The following SATB2 variants were observed in gnomAD, a reference collection of about 807,000 sequenced individuals.
SATB2 encodes the protein SATB homeobox 2.
SATB2 carries 1 observed loss-of-function variant against 73.4 expected under a neutral mutation model. That is an observed-to-expected ratio of 0.01 (90% CI 0.00 to 0.06). The LOEUF (loss-of-function observed/expected upper bound fraction) is 0.06, where lower values mean the gene tolerates loss of function less well. SATB2 is among the 10% of genes least tolerant of loss of function. SATB2 has a pLI of 1.00. For synonymous variants in SATB2, 397 were observed against 367.0 expected (o/e 1.08, Z -0.93); for missense variants, 459 against 945.8 (o/e 0.49, Z 6.75).
At chr2:199,418,091 T>C (rs190913775) in intron 3 of SATB2, among the ~76,000 whole-genome samples, 27 of 152,332 alleles carry the variant, frequency 1.8e-4, no homozygotes, top group Admixed American at 2.6e-4. Flanking sequence ...CTAACATGAT[T>C]CAGCCCTTAC....
At chr2:199,425,251 T>C (rs1237261226) in intron 3 of SATB2, among the ~76,000 whole-genome samples, 1 of 152,232 alleles carries the variant, frequency 6.6e-6, no homozygotes, top group Non-Finnish European at 1.5e-5. Flanking sequence ...TTAACCTGGA[T>C]CATTTTACGT....
intron 6 of SATB2, among the ~76,000 whole-genome samples, chr2:199,367,637 G>A (rs1267890547): frequency 6.6e-6 from 1 of 152,030 alleles, no homozygotes. Context: ...CCCTCCGATG[G>A]GGGCAGAGTA....
intron 8 of SATB2, among the ~76,000 whole-genome samples, chr2:199,328,035 G>A (rs932243208): frequency 6.6e-6 from 1 of 152,106 alleles, no homozygotes; most frequent in Non-Finnish European, 1.5e-5. Flanking sequence ...TGCTTGCTAT[G>A]CAAACTCAGC....
At chr2:199,318,358 T>A (rs915088411) in intron 9 of SATB2, among the ~76,000 whole-genome samples, 4 of 152,060 alleles carry the variant, frequency 2.6e-5, no homozygotes, top group African/African-American at 9.7e-5. Context: ...AAAACTTTGA[T>A]CTTTGTGCAA....
chr2:199,383,569 C>A (rs1161765006), intron 3 of SATB2, among the ~76,000 whole-genome samples: 1 of 152,072 alleles, frequency 6.6e-6, no homozygotes, highest in Non-Finnish European at 1.5e-5. Context: ...TAAAGTCACA[C>A]AGATAATATA....
intron 7 of SATB2, among the ~76,000 whole-genome samples, chr2:199,342,788 T>C (rs1200945597): frequency 3.3e-5 from 5 of 152,212 alleles, no homozygotes; most frequent in Admixed American, 2.6e-4. Context: ...AAAGTGTGGA[T>C]AGGGCATCAT....
At chr2:199,307,449 A>G (rs1397323747) in intron 10 of SATB2, among the ~76,000 whole-genome samples, 1 of 152,138 alleles carries the variant, frequency 6.6e-6, no homozygotes, top group Non-Finnish European at 1.5e-5. Context: ...TCAGAAAAGC[A>G]CCAAGAAGGG....
chr2:199,381,689 C>T lies in SATB2; in HGVS notation c.473+5G>A. On this transcript the variant is annotated splice_donor_5th_base_variant and intron_variant, in intron 4 of 10. Coordinates refer to ENST00000417098, the MANE Select transcript of SATB2 (RefSeq NM_001172509.2). Reference sequence around the variant, plus strand: ...AAGGAAAAGCAGATGTTCAGAAACACCCACCTTTGTAATTGGATTTTCAAC... The same window carrying T: ...AAGGAAAAGCAGATGTTCAGAAACATCCACCTTTGTAATTGGATTTTCAAC... 1 of 1,614,042 alleles carries T rather than the reference C, an allele frequency of 6.2e-7. No homozygotes were observed. Among genetic ancestry groups the T allele is most frequent in the Non-Finnish European group, 8.5e-7 (1 of 1,179,926 alleles).
chr2:199,329,902 A>G (rs561412440), intron 7 of SATB2, among the ~76,000 whole-genome samples: 44 of 152,300 alleles, frequency 2.9e-4, no homozygotes, highest in African/African-American at 1.1e-3. Flanking sequence ...TATCACACAG[A>G]GACATCACTT....
chr2:199,464,421 A>ACG lies in SATB2; in HGVS notation c.-141+413_-141+414dup, dbSNP rs200662001. On this transcript the variant is annotated intron_variant, in intron 1 of 11. Coordinates refer to the SATB2 transcript ENST00000260926. The surrounding 1 kb of genome is among the most constrained non-coding windows in gnomAD (Gnocchi z 6.6). ...CACATACACCCCCACCACCATTTCC[A>ACG]CGCGCGCGCGCGCACACACACACAC... is the stretch of plus-strand genomic sequence containing the variant. Among the ~76,000 whole-genome samples the ACG allele has an allele frequency of 6.1e-5, 9 of 146,680 alleles. No homozygotes were observed. Among genetic ancestry groups the ACG allele is most frequent in the Non-Finnish European group, 1.2e-4 (8 of 67,508 alleles).
chr2:199,457,327 C>CT lies in SATB2; in HGVS notation c.-60+11dup, dbSNP rs1261242332. Reference sequence around the variant, plus strand: ...CGAGCGCGGCGCGGGAGCCCTCGCCCTGCGTACTTACTGCTCACGGTCTGT... The same window carrying CT: ...CGAGCGCGGCGCGGGAGCCCTCGCCCTTGCGTACTTACTGCTCACGGTCTGT... On this transcript the variant is annotated intron_variant, in intron 1 of 10. Transcript: ENST00000417098. This position sits in a 1 kb window ranked among gnomAD's most constrained non-coding sequence, Gnocchi z 4.8. The CT allele has an allele frequency of 6.6e-6, 1 of 152,154 alleles. No individual in the cohort carries two copies. The highest frequency in any genetic ancestry group is 1.5e-5 in the Non-Finnish European group (1 of 68,082). 9.4% of individuals were successfully genotyped at this position (152,154 alleles called of 1,614,324 possible).
chr2:199,443,555 A>C (rs935911142), intron 2 of SATB2, among the ~76,000 whole-genome samples: 3 of 137,058 alleles, frequency 2.2e-5, no homozygotes, highest in Non-Finnish European at 5.0e-5. Flanking sequence ...AAAAAAAAAA[A>C]AGGCTTTCTC....
At chr2:199,278,175 T>C (rs563100879) in intron 10 of SATB2, among the ~76,000 whole-genome samples, 1 of 152,182 alleles carries the variant, frequency 6.6e-6, no homozygotes, top group African/African-American at 2.4e-5. Context: ...AGCCCAGGCA[T>C]GAAGATGTGA....
intron 3 of SATB2, among the ~76,000 whole-genome samples, chr2:199,423,007 AC>A (rs961680490): frequency 4.6e-5 from 7 of 152,240 alleles, no homozygotes; most frequent in African/African-American, 1.7e-4. Flanking sequence ...CTGAACCTTA[AC>A]CTTTTAAGTG....
Position 199,463,255 on chromosome 2 carries a change from A to G in SATB2, c.-141+1581T>C, listed in dbSNP as rs766322570. Reference sequence around the variant, plus strand: ...GCTGCGAGAGAATGACTGCCCTGCTAATCTAGTTTACTTGTAGAAATCGAC... The same window carrying G: ...GCTGCGAGAGAATGACTGCCCTGCTGATCTAGTTTACTTGTAGAAATCGAC... On this transcript the variant is annotated intron_variant, in intron 1 of 11. Transcript: ENST00000260926. The surrounding 1 kb of genome is among the most constrained non-coding windows in gnomAD (Gnocchi z 6.4). 6.6e-6 allele frequency among the ~76,000 whole-genome samples: 1 copy of G among 152,166 alleles called. No homozygotes were observed. The highest frequency in any genetic ancestry group is 1.5e-5 in the Non-Finnish European group (1 of 68,020).
rs1205323211 is a variant in SATB2 at position 199,348,902 on chromosome 2, G to A, written c.972C>T (p.Ser324=). 1.9e-6 allele frequency: 3 copies of A among 1,614,142 alleles called. No individual in the cohort carries two copies. The highest frequency in any genetic ancestry group is 1.1e-5 in the South Asian group (1 of 91,086). The part of the protein sequence containing the change: ...AHLINQQIAV[S]RLLAHQHPQA... ...GAGGATGCTGGTGAGCCAGGAGCCG[G>A]CTAACGGCAATCTGTTGGTTTATCA... The change falls in exon 7 of 11, where the codon AGC becomes AGT. Residue 324 remains serine, a synonymous_variant. Transcript: ENST00000417098.
At position 199,328,942 on chromosome 2, in the gene SATB2, T is replaced by A. The variant is rs1297237044; in HGVS notation, c.1174-32A>T. ...AAATGGGGGAAAAAAACAGACCAAG[T>A]CACATTTGCAGGTATATGTGTGTGG... On this transcript the variant is annotated intron_variant, in intron 7 of 10. Transcript: ENST00000417098. The A allele has an allele frequency of 3.2e-6, 5 of 1,553,998 alleles. No homozygotes were observed. In the African/African-American group the frequency reaches 6.8e-5, roughly 21 times the overall value.
At chr2:199,458,408 G>C, upstream of SATB2, 1 of 368,008 alleles carries the variant, frequency 2.7e-6, no homozygotes, top group Admixed American at 3.3e-5. Flanking sequence ...GGGTGACGAG[G>C]ACCTCATGCA....
At chr2:199,435,173 C>T (rs1300908791) in intron 2 of SATB2, among the ~76,000 whole-genome samples, 2 of 150,614 alleles carry the variant, frequency 1.3e-5, no homozygotes, top group African/African-American at 4.9e-5. Context: ...ATATAAGATA[C>T]GAGTGGAGTA....
Sources: gnomAD v4.1 joint callset for allele counts (sites outside exome capture counted in the v4.1 genomes callset) on GRCh38, gnomAD v4.1.1 for gene constraint, Gnocchi (gnomAD v3.1) non-coding constraint, MANE v1.5 for transcripts, NCBI Gene and HGNC (gene_info 2026-07-23, HGNC 2026-07-21) for gene names.